Variants in ATP2C2 observed in about 807,000 individuals in gnomAD.
The protein encoded by ATP2C2 is calcium-transporting ATPase type 2C member 2.
A neutral mutation model predicts 110.8 loss-of-function variants in ATP2C2; 171 were observed. The observed-to-expected ratio is 1.54, with a 90% CI of 1.36 to 1.75. The LOEUF (loss-of-function observed/expected upper bound fraction) is 1.75. Ranked by LOEUF, ATP2C2 falls within the 40% of genes most tolerant of loss-of-function variation. The probability of loss-of-function intolerance (pLI) is 0.00; values close to 1 mark genes in which losing one functional copy is unlikely to be tolerated. For missense variants in ATP2C2, 1,963 were observed against 1,235.0 expected, an observed-to-expected ratio of 1.59 and a Z score of -8.84; for synonymous variants, 804 against 508.4, an observed-to-expected ratio of 1.58 and a Z score of -7.82.
At chr16:84,393,693 G>A (rs1904797141) in intron 1 of ATP2C2, among the ~76,000 whole-genome samples, 1 of 151,734 alleles carries the variant, frequency 6.6e-6, no homozygotes, top group Non-Finnish European at 1.5e-5. Flanking sequence ...AGCCAGCAAA[G>A]AGGGGAGGAG....
chr16:84,368,675 C>G lies in ATP2C2; in HGVS notation c.60C>G (p.Arg20=). 1 of 1,561,000 alleles carries G rather than the reference C, an allele frequency of 6.4e-7. No individual in the cohort carries two copies. Among genetic ancestry groups the G allele is most frequent in the Non-Finnish European group, 8.7e-7 (1 of 1,155,782 alleles). ...LKKLGFSGGG[R]QYQALEKDEE... is the part of the protein sequence containing the mutation. ...AACTCGGCTTCTCGGGCGGGGGCCG[C>G]CAGTACCAGGCGCTGGAGAAGGACG... is the stretch of plus-strand genomic sequence containing the variant. The change falls in exon 1 of 27, where the codon CGC becomes CGG. Residue 20 remains arginine (R), a synonymous_variant. Coordinates refer to ENST00000262429, the MANE Select transcript of ATP2C2 (RefSeq NM_014861.4).
intron 1 of ATP2C2, among the ~76,000 whole-genome samples, chr16:84,394,616 A>T (rs2151412541): frequency 6.6e-6 from 1 of 152,220 alleles, no homozygotes; most frequent in East Asian, 1.9e-4. Context: ...AAACTCAAGG[A>T]GTCAGGAGGG....
At position 84,439,495 on chromosome 16, in the gene ATP2C2, C is replaced by T. The variant is rs1269226005; in HGVS notation, c.1180C>T (p.Leu394Phe). Residue 394 changes from leucine to phenylalanine, a missense_variant, in exon 13 of 27, where the codon CTT (leucine) becomes TTT (phenylalanine). By Grantham distance (22) the Leu-to-Phe change is conservative. Coordinates refer to ENST00000262429, the MANE Select transcript of ATP2C2 (RefSeq NM_014861.4). ...LTANEMTVTQ[L>F]VTSDGLRAEV... is the part of the protein sequence containing the mutation. ...TGCCAATGAAATGACAGTGACCCAG[C>T]TTGTAACGTCAGATGGGCTTCGTGC... 5 of 1,614,186 alleles carry T rather than the reference C, an allele frequency of 3.1e-6. No homozygotes were observed. Among genetic ancestry groups the T allele is most frequent in the African/African-American group, 1.3e-5 (1 of 75,032 alleles).
chr16:84,380,212 C>T lies in ATP2C2; in HGVS notation c.99+11498C>T, dbSNP rs557824484. The stretch of plus-strand genomic sequence containing the variant: ...TTCAGCAACACCTATCTCACCAGGC[C>T]TTCTCCTCCTTCTACCCCCTCCCCC... On this transcript the variant is annotated intron_variant, in intron 1 of 26. Transcript: ENST00000262429. Among the ~76,000 whole-genome samples the T allele has an allele frequency of 2.6e-3, 389 of 152,246 alleles. 6 individuals are homozygous for T. The highest frequency in any genetic ancestry group is 4.0e-3 in the Non-Finnish European group (270 of 68,016).
chr16:84,408,472 A>C lies in ATP2C2; in HGVS notation c.395A>C (p.Glu132Ala), dbSNP rs201003394. 3 of 1,613,534 alleles carry C rather than the reference A, an allele frequency of 1.9e-6. No homozygotes were observed. The Admixed American group carries it at 5.0e-5, about 27-fold the overall frequency. ...ALVSVLTKEY[E>A]DAVSIATAVL... ...GTGAGTGTCCTCACCAAGGAGTATGAGGACGCCGTCAGCATCGCCACGGTG... is the reference window on the plus strand; with the variant it reads ...GTGAGTGTCCTCACCAAGGAGTATGCGGACGCCGTCAGCATCGCCACGGTG... The change falls in exon 4 of 27, where the codon GAG (glutamate) becomes GCG (alanine). Residue 132 changes from glutamate to alanine, a missense_variant. Transcript: ENST00000262429.
chr16:84,422,443 T>C lies in ATP2C2; in HGVS notation c.678T>C (p.Cys226=), dbSNP rs1163273808. Residue 226 remains cysteine (C), a synonymous_variant, in exon 8 of 27, where the codon TGT becomes TGC. Transcript: ENST00000262429. The part of the protein sequence containing the change: ...ESSFTGEAEP[C]SKTDSPLTGG... ...GTTTCACCGGGGAAGCCGAGCCATGTAGTAAAACAGACAGCCCCTTGACAG... is the reference window on the plus strand; with the variant it reads ...GTTTCACCGGGGAAGCCGAGCCATGCAGTAAAACAGACAGCCCCTTGACAG... 3 of 1,614,050 alleles carry C rather than the reference T, an allele frequency of 1.9e-6. No individual in the cohort carries two copies. The highest frequency in any genetic ancestry group is 3.3e-5 in the Admixed American group (2 of 59,992).
intron 10 of ATP2C2, among the ~76,000 whole-genome samples, chr16:84,424,650 A>T (rs531118946): frequency 6.9e-6 from 1 of 144,978 alleles, no homozygotes; most frequent in South Asian, 2.2e-4. Flanking sequence ...ACTCAGTCCC[A>T]TGGACCCCCT....
At chr16:84,429,000 C>G (rs74038225) in intron 11 of ATP2C2, among the ~76,000 whole-genome samples, 56,399 of 151,692 alleles carry the variant, frequency 0.37, 10,582 homozygotes, top group South Asian at 0.4. Context: ...GTTTGTTTTA[C>G]TAATGGCCCT....
Position 84,442,523 on chromosome 16 carries a change from C to T in ATP2C2, c.1325C>T (p.Ala442Val). ...VGKLVEAGCV[A>V]NNAVIRKNAV... ...ATCCCCTTTTAGGCGGGCTGTGTTG[C>T]CAACAATGCGGTCATCAGAAAGAAC... Residue 442 changes from alanine to valine, a missense_variant, in exon 15 of 27, where the codon GCC (alanine) becomes GTC (valine). Physicochemically the swap from Ala to Val is moderately conservative, Grantham distance 64 (BLOSUM62 0). Coordinates refer to ENST00000262429, the MANE Select transcript of ATP2C2 (RefSeq NM_014861.4). 6.2e-7 allele frequency: 1 copy of T among 1,614,042 alleles called. No homozygotes were observed. The highest frequency in any genetic ancestry group is 1.7e-5 in the Admixed American group (1 of 60,016).
intron 1 of ATP2C2, among the ~76,000 whole-genome samples, chr16:84,390,245 C>T (rs1471795191): frequency 6.6e-6 from 1 of 152,214 alleles, no homozygotes; most frequent in South Asian, 2.1e-4. Context: ...GGCGCCACAG[C>T]GGGGCTGGAC....
chr16:84,453,096 C>T (rs558676740), intron 18 of ATP2C2, 42 bp from the exon 19 acceptor site: 26 of 1,553,080 alleles, frequency 1.7e-5, no homozygotes, highest in African/African-American at 8.2e-5. Flanking sequence ...GGGGTGGGGA[C>T]GCGGGCCTCA....
chr16:84,387,546 T>C (rs1372954130), intron 1 of ATP2C2, among the ~76,000 whole-genome samples: 1 of 152,016 alleles, frequency 6.6e-6, no homozygotes, highest in South Asian at 2.1e-4. Context: ...GGACACAAAA[T>C]GCCAGCCATG....
At chr16:84,436,910 G>A (rs1193941894) in intron 11 of ATP2C2, among the ~76,000 whole-genome samples, 2 of 151,666 alleles carry the variant, frequency 1.3e-5, no homozygotes, top group African/African-American at 4.8e-5. Context: ...TTACAGGCAT[G>A]CGCCACCACG....
chr16:84,442,965 G>A (rs577208553), intron 15 of ATP2C2, among the ~76,000 whole-genome samples: 1 of 152,222 alleles, frequency 6.6e-6, no homozygotes, highest in South Asian at 2.1e-4. Context: ...GCTGGTTCCT[G>A]GGAATGTATT....
intron 10 of ATP2C2, among the ~76,000 whole-genome samples, chr16:84,424,594 T>TG (rs1907640250): frequency 9.6e-6 from 1 of 104,286 alleles, no homozygotes; most frequent in African/African-American, 3.3e-5. Flanking sequence ...TTTTTTTTTT[T>TG]TTTTTAACAT....
In ATP2C2 at chr16:84,463,710, A is replaced by C. The variant is rs749124511; in HGVS notation, c.2819A>C (p.Gln940Pro). Residue 940 changes from glutamine to proline, a missense_variant, in exon 27 of 27, where the codon CAG (glutamine) becomes CCG (proline). Transcript: ENST00000262429. ...TACTGTTGCAGCCCCAAGAGAGTCC[A>C]GATGCACCCTGAAGATGTGTAGTGG... is the stretch of plus-strand genomic sequence containing the variant. ...EKYCCSPKRV[Q>P]MHPEDV 6.2e-6 allele frequency: 10 copies of C among 1,613,790 alleles called. No homozygotes were observed. The Admixed American group carries it at 1.7e-4, about 27-fold the overall frequency.
At chr16:84,454,506 A>T (rs924634237) in intron 20 of ATP2C2, among the ~76,000 whole-genome samples, 12 of 151,032 alleles carry the variant, frequency 7.9e-5, no homozygotes, top group African/African-American at 2.9e-4. Context: ...ATTACTGTTT[A>T]TTACTGGGAC....
intron 1 of ATP2C2, among the ~76,000 whole-genome samples, chr16:84,368,993 T>G (rs1451510432): frequency 1.3e-5 from 2 of 152,238 alleles, no homozygotes; most frequent in Non-Finnish European, 2.9e-5. Flanking sequence ...AGCTAGGAAG[T>G]GACCTGGCTG....
intron 17 of ATP2C2, among the ~76,000 whole-genome samples, chr16:84,449,238 C>A (rs1228190716): frequency 6.6e-6 from 1 of 152,252 alleles, no homozygotes; most frequent in African/African-American, 2.4e-5. Flanking sequence ...GTTGGCCTTA[C>A]TGGCTCAGGA....
Sources: gnomAD v4.1 joint callset for allele counts (sites outside exome capture counted in the v4.1 genomes callset) on GRCh38, gnomAD v4.1.1 for gene constraint, MANE v1.5 for transcripts, NCBI Gene and HGNC (gene_info 2026-07-23, HGNC 2026-07-21) for gene names.